Variants in UBE2K observed in about 807,000 individuals in gnomAD.
UBE2K encodes the protein ubiquitin-conjugating enzyme E2 K.
A neutral mutation model predicts 30.0 loss-of-function variants in UBE2K; 6 were observed. The observed-to-expected ratio is 0.20, with a 90% CI of 0.11 to 0.39. The LOEUF (loss-of-function observed/expected upper bound fraction) is 0.39, where lower values mean the gene tolerates loss of function less well. Ranked by LOEUF, UBE2K falls within the 10% of genes least tolerant of loss-of-function variation. The pLI is 1.00. For synonymous variants in UBE2K, 86 were observed against 83.7 expected, an observed-to-expected ratio of 1.03 and a Z score of -0.15; for missense variants, 61 against 241.6, an observed-to-expected ratio of 0.25 and a Z score of 4.96.
chr4:39,763,578 T>C (rs929517691), intron 4 of UBE2K, among the ~76,000 whole-genome samples: 1 of 152,062 alleles, frequency 6.6e-6, no homozygotes, highest in African/African-American at 2.4e-5. Context: ...AGCTCTCACA[T>C]GAACTCAGTC....
chr4:39,715,639 T>C (rs535238194), intron 1 of UBE2K, among the ~76,000 whole-genome samples: 2 of 152,170 alleles, frequency 1.3e-5, no homozygotes, highest in Admixed American at 1.3e-4. Flanking sequence ...TCAATTTTTT[T>C]CTGGTGTATT....
At chr4:39,774,742 G>A in intron 4 of UBE2K, 92 bp from the exon 5 acceptor site, 1 of 581,396 alleles carries the variant, frequency 1.7e-6, no homozygotes, top group Non-Finnish European at 2.7e-6. Flanking sequence ...GTAACTTTTA[G>A]CTCTACAATT....
intron 3 of UBE2K, among the ~76,000 whole-genome samples, chr4:39,751,854 C>A (rs954481000): frequency 2.0e-5 from 3 of 152,052 alleles, no homozygotes; most frequent in African/African-American, 7.2e-5. Flanking sequence ...GTAGTCCCAG[C>A]TACTGGGGAG....
intron 1 of UBE2K, among the ~76,000 whole-genome samples, chr4:39,718,798 G>A (rs1260773327): frequency 6.6e-6 from 1 of 152,276 alleles, no homozygotes; most frequent in Non-Finnish European, 1.5e-5. Context: ...CGCTCAGAGT[G>A]CTGAGCCCGC....
At chr4:39,762,781 C>T (rs950733302) in intron 4 of UBE2K, among the ~76,000 whole-genome samples, 1 of 152,028 alleles carries the variant, frequency 6.6e-6, no homozygotes, top group African/African-American at 2.4e-5. Context: ...ACTACAGGTG[C>T]GTGCTATCAC....
chr4:39,714,551 T>TATATA (rs1249612429), intron 1 of UBE2K: 1 of 28,462 alleles, frequency 3.5e-5, no homozygotes, highest in African/African-American at 2.0e-4. Context: ...TATATATATA[T>TATATA]TTTTTTTTTT....
At chr4:39,759,438 C>G (rs879792100) in intron 4 of UBE2K, among the ~76,000 whole-genome samples, 1 of 152,072 alleles carries the variant, frequency 6.6e-6, no homozygotes, top group African/African-American at 2.4e-5. Context: ...TGTGCCACCA[C>G]GCCCAGCTAA....
At chr4:39,771,671 G>A (rs1471622887) in intron 4 of UBE2K, among the ~76,000 whole-genome samples, 2 of 152,110 alleles carry the variant, frequency 1.3e-5, no homozygotes, top group African/African-American at 2.4e-5. Flanking sequence ...CAGGCCTCGC[G>A]CGCGCGGCGA....
intron 1 of UBE2K, among the ~76,000 whole-genome samples, chr4:39,733,849 C>T (rs1352606398): frequency 6.6e-6 from 1 of 152,194 alleles, no homozygotes; most frequent in African/African-American, 2.4e-5. Context: ...TTTTGTAATA[C>T]TGTCATCTTT....
chr4:39,720,666 C>T (rs895403681), intron 1 of UBE2K, among the ~76,000 whole-genome samples: 11 of 152,174 alleles, frequency 7.2e-5, no homozygotes, highest in African/African-American at 2.4e-4. Context: ...CCATGATCAA[C>T]TCTGTATACG....
At chr4:39,731,892 C>T (rs1358056922) in intron 1 of UBE2K, among the ~76,000 whole-genome samples, 2 of 151,946 alleles carry the variant, frequency 1.3e-5, no homozygotes, top group Non-Finnish European at 2.9e-5. Context: ...GACTAGGAAA[C>T]AAATAATAAT....
intron 1 of UBE2K, among the ~76,000 whole-genome samples, chr4:39,716,588 C>T (rs1719076785): frequency 1.3e-5 from 2 of 152,058 alleles, no homozygotes; most frequent in South Asian, 2.1e-4. Flanking sequence ...TGGCAACTTG[C>T]AATAGCTTAA....
At chr4:39,724,266 C>G (rs746610214) in intron 1 of UBE2K, among the ~76,000 whole-genome samples, 1 of 151,972 alleles carries the variant, frequency 6.6e-6, no homozygotes, top group African/African-American at 2.4e-5. Context: ...CACCACCACA[C>G]CTGGCTAATT....
chr4:39,775,035 A>G, intron 5 of UBE2K, 102 bp downstream of exon 5: 1 of 577,644 alleles, frequency 1.7e-6, no homozygotes, highest in South Asian at 5.5e-5. Flanking sequence ...ATTGAAACTA[A>G]ATTTTGAAAT....
chr4:39,714,278 T>G, intron 1 of UBE2K: 1 of 201,422 alleles, frequency 5.0e-6, no homozygotes, highest in Admixed American at 5.0e-5. Context: ...TTTGTCCAAA[T>G]GAACCTTTAT....
rs183622510 is a variant in UBE2K, at chr4:39,724,629, A to G, written c.64-12791A>G. Among the ~76,000 whole-genome samples the G allele has an allele frequency of 3.7e-3, 546 of 148,398 alleles. 4 individuals carry two copies. The highest frequency in any genetic ancestry group is 6.9e-3 in the Admixed American group (103 of 14,864). ...AAAAAAATACAAAAATTAGCTAGGCATGGTAAGTGCATGCCTGTAGGCCCA... is the reference window on the plus strand; with the variant it reads ...AAAAAAATACAAAAATTAGCTAGGCGTGGTAAGTGCATGCCTGTAGGCCCA... On this transcript the variant is annotated intron_variant, in intron 1 of 6. Coordinates refer to ENST00000261427, the MANE Select transcript of UBE2K (RefSeq NM_005339.5).
chr4:39,698,457 C>T lies in UBE2K; in HGVS notation c.63+67C>T, dbSNP rs1717818364. 4.2e-6 allele frequency: 6 copies of T among 1,442,868 alleles called. No individual in the cohort carries two copies. The Admixed American group carries it at 9.7e-5, about 23-fold the overall frequency. The allele number at this position is 1,442,868 out of a possible 1,614,324, so 89.4% of individuals were successfully genotyped here. A position where few individuals can be genotyped will look rare whatever the true frequency, so the allele number is the denominator to read the frequency against. ...GCGGGAGGGTCCTCCCAGCTGCGAC[C>T]CCGATATCCCCGGTAGTCCCTGGGT... On this transcript the variant is annotated intron_variant, in intron 1 of 6. Coordinates refer to ENST00000261427, the MANE Select transcript of UBE2K (RefSeq NM_005339.5).
At chr4:39,723,343 C>T (rs1215234087) in intron 1 of UBE2K, among the ~76,000 whole-genome samples, 1 of 150,962 alleles carries the variant, frequency 6.6e-6, no homozygotes, top group Non-Finnish European at 1.5e-5. Flanking sequence ...AGCCATTGTA[C>T]CCAGCCCTGC....
chr4:39,771,425 C>A, intron 4 of UBE2K: 1 of 1,600,596 alleles, frequency 6.2e-7, no homozygotes. Flanking sequence ...AGGACTTCAC[C>A]CCAGAGGCCA....
Sources: allele counts gnomAD v4.1 joint callset (sites outside exome capture counted in the v4.1 genomes callset), GRCh38; gene constraint gnomAD v4.1.1; transcripts MANE v1.5; gene names NCBI Gene and HGNC (gene_info 2026-07-23, HGNC 2026-07-21).